The following COL4A4 variants were observed in gnomAD, a reference collection of about 807,000 sequenced individuals.
COL4A4 encodes the protein collagen alpha-4(IV) chain.
A neutral mutation model predicts 192.9 loss-of-function variants in COL4A4; 105 were observed. That is an observed-to-expected ratio of 0.54 (90% CI 0.46 to 0.64). The LOEUF (loss-of-function observed/expected upper bound fraction) is 0.64, where lower values mean the gene tolerates loss of function less well. Ranked by LOEUF, COL4A4 falls within the 30% of genes least tolerant of loss-of-function variation. COL4A4 has a pLI of 0.00. For synonymous variants in COL4A4, 762 were observed against 769.9 expected, an observed-to-expected ratio of 0.99 and a Z score of 0.17; for missense variants, 1,967 against 2,169.3, an observed-to-expected ratio of 0.91 and a Z score of 1.85.
chr2:227,083,953 C>A (rs2059452011), intron 22 of COL4A4, among the ~76,000 whole-genome samples: 1 of 152,100 alleles, frequency 6.6e-6, no homozygotes, highest in Non-Finnish European at 1.5e-5. Context: ...CTCAAATGGA[C>A]AACAGGGTTG....
At chr2:227,130,236 G>A (rs956652565) in intron 4 of COL4A4, among the ~76,000 whole-genome samples, 2 of 152,228 alleles carry the variant, frequency 1.3e-5, no homozygotes, top group African/African-American at 2.4e-5. Context: ...ACACTCATTC[G>A]AGATTTTCAC....
rs114790367 is a variant in COL4A4 at position 227,151,926 on chromosome 2, T to C, written c.-101-4342A>G. Among the ~76,000 whole-genome samples the C allele has an allele frequency of 4.8e-3, 725 of 152,340 alleles. 6 individuals are homozygous for C. The highest frequency in any genetic ancestry group is 8.9e-3 in the Non-Finnish European group (603 of 68,034). ...CACTGTGAGCAATAAACCTCTGTTG[T>C]TCATAAATCACCCAGTCTTAGGTAT... On this transcript the variant is annotated intron_variant, in intron 1 of 47. Transcript: ENST00000396625.
chr2:227,150,161 G>C (rs1342685406), intron 1 of COL4A4, among the ~76,000 whole-genome samples: 1 of 152,128 alleles, frequency 6.6e-6, no homozygotes, highest in Non-Finnish European at 1.5e-5. Flanking sequence ...ATATTTAATA[G>C]GGGATATGAA....
In COL4A4 at chr2:227,059,422, C is replaced by T. The variant is rs1315169587; in HGVS notation, c.2366G>A (p.Gly789Glu). ...CCTCATACCTTCAGCCCCTGGACAT[C>T]CCGGATCACCTCTGGGTCCTTTTAT... is the stretch of plus-strand genomic sequence containing the variant. ...PGIKGPRGDPGCPGAEGPAGI... is the reference protein window; with the variant it reads ...PGIKGPRGDPECPGAEGPAGI... Residue 789 changes from glycine (G) to glutamate (E), a missense_variant, in exon 28 of 48, where the codon GGA becomes GAA. By Grantham distance (98) the Gly-to-Glu change is moderately conservative. Coordinates refer to ENST00000396625, the MANE Select transcript of COL4A4 (RefSeq NM_000092.5). The T allele has an allele frequency of 1.2e-6, 2 of 1,614,178 alleles. No homozygotes were observed. The highest frequency in any genetic ancestry group is 8.5e-7 in the Non-Finnish European group (1 of 1,180,010).
chr2:226,993,127 C>T, the COL4A4 span, among the ~76,000 whole-genome samples: 7 of 152,314 alleles, frequency 4.6e-5, no homozygotes, highest in South Asian at 2.1e-4. Flanking sequence ...AGCTGGACCT[C>T]GGGCATCTTC....
chr2:227,028,644 TTTATTA>T (rs56914189), intron 41 of COL4A4, among the ~76,000 whole-genome samples: 7,162 of 141,796 alleles, frequency 0.051, 201 homozygotes, highest in Non-Finnish European at 0.064. Flanking sequence ...ATAAAAGAAA[TTTATTA>T]TTATTATTAT....
In COL4A4 at chr2:227,012,227, G is replaced by A. The variant is rs555213853; in HGVS notation, c.4287C>T (p.Pro1429=). 2.7e-5 allele frequency: 44 copies of A among 1,614,006 alleles called. No homozygotes were observed. Among genetic ancestry groups the A allele is most frequent in the East Asian group, 8.9e-5 (4 of 44,876 alleles). ...CTTCTCCTGTGTCACCTTTACGTCC[G>A]GGAGGCCCAGGAGACCCAGGGACGC... The part of the protein sequence containing the change: ...VDGVPGSPGP[P]GRKGDTGEDG... Residue 1429 remains proline (P), a synonymous_variant, in exon 45 of 48, where the codon CCC becomes CCT. Transcript: ENST00000396625.
chr2:227,065,797 A>C (rs1237626249), intron 25 of COL4A4, among the ~76,000 whole-genome samples: 2 of 152,274 alleles, frequency 1.3e-5, no homozygotes, highest in Non-Finnish European at 2.9e-5. Context: ...GAAAAACTGG[A>C]AACTCTAAAA....
intron 45 of COL4A4, among the ~76,000 whole-genome samples, chr2:227,011,134 G>A (rs1178668521): frequency 1.3e-5 from 2 of 152,214 alleles, no homozygotes; most frequent in South Asian, 2.1e-4. Context: ...CGTGAGCAGG[G>A]TCTGTATCCT....
the COL4A4 span, among the ~76,000 whole-genome samples, chr2:226,977,643 C>T: frequency 6.6e-6 from 1 of 152,138 alleles, no homozygotes; most frequent in Non-Finnish European, 1.5e-5. Context: ...TAGTTGTCAT[C>T]CGAGGTAAAT....
intron 44 of COL4A4, among the ~76,000 whole-genome samples, chr2:227,020,864 C>T (rs550662033): frequency 1.2e-4 from 18 of 144,714 alleles, no homozygotes; most frequent in Admixed American, 2.8e-4. Flanking sequence ...ACAAACCATT[C>T]GGAGAACACT....
intron 45 of COL4A4, among the ~76,000 whole-genome samples, chr2:227,010,937 G>T (rs1034194472): frequency 6.6e-6 from 1 of 152,192 alleles, no homozygotes; most frequent in African/African-American, 2.4e-5. Flanking sequence ...CCCAAAGTCG[G>T]TCTTTCTTAC....
intron 37 of COL4A4, 62 bp downstream of exon 37, chr2:227,042,086 A>AC: frequency 9.9e-7 from 1 of 1,014,204 alleles, no homozygotes; most frequent in East Asian, 2.4e-5. Flanking sequence ...GGAAAAAAAC[A>AC]CCATCAATTT....
At chr2:227,059,681 C>T (rs1196837700) in intron 27 of COL4A4, 58 bp from the exon 28 acceptor site, 3 of 1,205,732 alleles carry the variant, frequency 2.5e-6, no homozygotes, top group African/African-American at 1.5e-5. Context: ...AGAACCAATA[C>T]ATATAAGACT....
chr2:227,081,783 T>A (rs1269639976), intron 23 of COL4A4, among the ~76,000 whole-genome samples: 2 of 152,230 alleles, frequency 1.3e-5, no homozygotes, highest in African/African-American at 4.8e-5. Flanking sequence ...TTCTTTCATT[T>A]ACAATGAAAA....
chr2:227,099,687 C>G lies in COL4A4; in HGVS notation c.1032G>C (p.Gly344=). The G allele has an allele frequency of 6.2e-7, 1 of 1,613,562 alleles. No individual in the cohort carries two copies. The highest frequency in any genetic ancestry group is 8.5e-7 in the Non-Finnish European group (1 of 1,179,560). The part of the protein sequence containing the change: ...PGLFGLIGPK[G]DPGNRGHPGP... ...CTGGGTGCCCTCGATTTCCAGGATC[C>G]CCCTGAAATCATTCATTCATTCACT... is the stretch of plus-strand genomic sequence containing the variant. Residue 344 remains glycine, a splice_region_variant and synonymous_variant, in exon 18 of 48, where the codon GGG becomes GGC. Coordinates refer to ENST00000396625, the MANE Select transcript of COL4A4 (RefSeq NM_000092.5).
the COL4A4 span, chr2:226,988,720 A>T: frequency 1.1e-6 from 1 of 931,848 alleles, no homozygotes; most frequent in Non-Finnish European, 1.3e-6. Flanking sequence ...ATATACATAG[A>T]TATAGATATA....
the COL4A4 span, chr2:226,995,622 A>G: frequency 3.6e-6 from 3 of 830,532 alleles, no homozygotes; most frequent in South Asian, 3.0e-5. Context: ...AAACAAAAGC[A>G]GAGTACACCG....
At chr2:226,993,047 T>C in the COL4A4 span, among the ~76,000 whole-genome samples, 65,698 of 152,026 alleles carry the variant, frequency 0.43, 14,312 homozygotes, top group South Asian at 0.58. Context: ...TTTGGTTGGC[T>C]CAGCCCTGGT....
Sources: gnomAD v4.1 joint callset for allele counts (sites outside exome capture counted in the v4.1 genomes callset) on GRCh38, gnomAD v4.1.1 for gene constraint, MANE v1.5 for transcripts, NCBI Gene and HGNC (gene_info 2026-07-23, HGNC 2026-07-21) for gene names.